AGAP1: variants seen among roughly 807,000 people sequenced by gnomAD.
AGAP1 encodes ArfGAP with GTPase domain, ankyrin repeat and PH domain 1, also known as arf-GAP with GTPase, ANK repeat and PH domain-containing protein 1.
Under a neutral mutation model 105.3 loss-of-function variants are expected in AGAP1, and 29 were observed. That is an observed-to-expected ratio of 0.28 (90% CI 0.21 to 0.38). The LOEUF (loss-of-function observed/expected upper bound fraction) is 0.38, where lower values mean the gene tolerates loss of function less well. AGAP1 is among the 10% of genes least tolerant of loss of function. The pLI is 1.00. For synonymous variants in AGAP1, 509 were observed against 485.9 expected, an observed-to-expected ratio of 1.05 and a Z score of -0.63; for missense variants, 998 against 1,165.1, an observed-to-expected ratio of 0.86 and a Z score of 2.09.
At chr2:235,657,237 G>A (rs1947802313) in intron 1 of AGAP1, among the ~76,000 whole-genome samples, 1 of 152,190 alleles carries the variant, frequency 6.6e-6, no homozygotes, top group Non-Finnish European at 1.5e-5. Context: ...GCACTGGGTA[G>A]CCCTGGAGTT....
intron 12 of AGAP1, among the ~76,000 whole-genome samples, chr2:235,943,352 A>G (rs1222350337): frequency 7.3e-6 from 1 of 137,284 alleles, no homozygotes; most frequent in Non-Finnish European, 1.5e-5. Context: ...GCAAAGACCT[A>G]AAGGACTTAA....
Position 235,988,716 on chromosome 2 carries a change from G to A in AGAP1, c.1645+20093G>A, listed in dbSNP as rs900476206. The stretch of plus-strand genomic sequence containing the variant: ...GAGAAATGATTATTTTTTTCCCGCC[G>A]ACTCCACTCTGGCCAAGACGAGCTC... On this transcript the variant is annotated intron_variant, in intron 13 of 17. Coordinates refer to ENST00000304032, the MANE Select transcript of AGAP1 (RefSeq NM_001037131.3). The surrounding 1 kb of genome is among the most constrained non-coding windows in gnomAD (Gnocchi z 4.7). Among the ~76,000 whole-genome samples the A allele has an allele frequency of 3.9e-5, 6 of 151,996 alleles. No homozygotes were observed. Among genetic ancestry groups the A allele is most frequent in the South Asian group, 2.1e-4 (1 of 4,824 alleles).
At position 235,874,125 on chromosome 2, in the gene AGAP1, T is replaced by C. The variant is rs1277904736; in HGVS notation, c.1051-9220T>C. On this transcript the variant is annotated intron_variant, in intron 9 of 17. Coordinates refer to ENST00000304032, the MANE Select transcript of AGAP1 (RefSeq NM_001037131.3). This position sits in a 1 kb window ranked among gnomAD's most constrained non-coding sequence, Gnocchi z 4.5. ...CAGGCTGGAGTGCAGTGGCGTGATCTCAGCTCACTGCAACCTCTCCCTCCA... is the reference window on the plus strand; with the variant it reads ...CAGGCTGGAGTGCAGTGGCGTGATCCCAGCTCACTGCAACCTCTCCCTCCA... 6.6e-6 allele frequency among the ~76,000 whole-genome samples: 1 copy of C among 152,082 alleles called. No homozygotes were observed. The highest frequency in any genetic ancestry group is 1.9e-4 in the East Asian group (1 of 5,174).
intron 1 of AGAP1, among the ~76,000 whole-genome samples, chr2:235,536,631 A>T (rs868636541): frequency 1.4e-4 from 3 of 22,088 alleles, no homozygotes; most frequent in Non-Finnish European, 2.5e-4. Context: ...CATCCTTCAC[A>T]CACACACACA....
At chr2:235,823,213 CATT>C (rs1219702068) in intron 9 of AGAP1, among the ~76,000 whole-genome samples, 4 of 152,136 alleles carry the variant, frequency 2.6e-5, no homozygotes, top group African/African-American at 9.6e-5. Flanking sequence ...TGTAACATAT[CATT>C]ATGTATTATG....
rs528317631 is a variant in AGAP1, at chr2:235,832,404, ATAAAAT to A, written c.1050+25077_1050+25082del. Among the ~76,000 whole-genome samples the A allele has an allele frequency of 6.8e-4, 104 of 152,312 alleles. 1 individual carries two copies. In the East Asian group the frequency reaches 0.016, roughly 24 times the overall value. Reference sequence around the variant, plus strand: ...TCATTAGCATTTTCCTTACAGTTTGATAAAATTAATTTCAACAATTTCTACACTGTG... The same window carrying A: ...TCATTAGCATTTTCCTTACAGTTTGATAATTTCAACAATTTCTACACTGTG... On this transcript the variant is annotated intron_variant, in intron 9 of 17. Coordinates refer to ENST00000304032, the MANE Select transcript of AGAP1 (RefSeq NM_001037131.3).
At chr2:235,495,939 T>C (rs72984642) in intron 1 of AGAP1, among the ~76,000 whole-genome samples, 38 of 152,236 alleles carry the variant, frequency 2.5e-4, no homozygotes, top group Non-Finnish European at 5.3e-4. Flanking sequence ...TTGAGGAACA[T>C]TGAGAATGGC....
chr2:235,852,184 C>T (rs368872012), intron 9 of AGAP1, among the ~76,000 whole-genome samples: 1 of 152,200 alleles, frequency 6.6e-6, no homozygotes, highest in East Asian at 1.9e-4. Flanking sequence ...GGAAGATTTA[C>T]TCGGGAAGAG....
intron 6 of AGAP1, among the ~76,000 whole-genome samples, chr2:235,776,469 C>T (rs1466927622): frequency 2.0e-5 from 3 of 152,194 alleles, no homozygotes; most frequent in Non-Finnish European, 4.4e-5. Context: ...CTTTCCTGTT[C>T]GAAAGCCTTT....
intron 1 of AGAP1, among the ~76,000 whole-genome samples, chr2:235,506,320 G>C (rs576337452): frequency 6.6e-6 from 1 of 152,198 alleles, no homozygotes; most frequent in African/African-American, 2.4e-5. Context: ...TAATCTCAGC[G>C]CTTCGGGAGG....
At position 235,874,260 on chromosome 2, in the gene AGAP1, G is replaced by A. The variant is rs1367111463; in HGVS notation, c.1051-9085G>A. On this transcript the variant is annotated intron_variant, in intron 9 of 17. Coordinates refer to ENST00000304032, the MANE Select transcript of AGAP1 (RefSeq NM_001037131.3). This position sits in a 1 kb window ranked among gnomAD's most constrained non-coding sequence, Gnocchi z 4.5. ...GAGACGGGGTTTCACCATGTTTACC[G>A]GGATGGTCTCGATCTCCTGACCTTG... 6.6e-6 allele frequency among the ~76,000 whole-genome samples: 1 copy of A among 151,934 alleles called. No homozygotes were observed.
At chr2:235,613,604 A>G (rs1946211306) in intron 1 of AGAP1, among the ~76,000 whole-genome samples, 1 of 152,158 alleles carries the variant, frequency 6.6e-6, no homozygotes, top group Non-Finnish European at 1.5e-5. Context: ...CTCTCCCTTT[A>G]TCTCCCCATT....
chr2:236,085,540 TC>T (rs1415373059), intron 16 of AGAP1, among the ~76,000 whole-genome samples: 4 of 152,234 alleles, frequency 2.6e-5, no homozygotes, highest in Non-Finnish European at 4.4e-5. Flanking sequence ...CAAACACTGT[TC>T]CAGCTGGTAG....
intron 1 of AGAP1, among the ~76,000 whole-genome samples, chr2:235,679,907 A>G (rs1018744294): frequency 2.0e-5 from 3 of 152,234 alleles, no homozygotes; most frequent in Non-Finnish European, 4.4e-5. Context: ...TGAATTCCGT[A>G]TTTTCAAATA....
chr2:235,868,726 T>G (rs1019998349), intron 9 of AGAP1, among the ~76,000 whole-genome samples: 1 of 152,224 alleles, frequency 6.6e-6, no homozygotes, highest in Non-Finnish European at 1.5e-5. Flanking sequence ...TATCACAGCT[T>G]GGGGCTGCAG....
intron 11 of AGAP1, among the ~76,000 whole-genome samples, chr2:235,911,263 T>C (rs1268807497): frequency 6.6e-6 from 1 of 152,094 alleles, no homozygotes; most frequent in Non-Finnish European, 1.5e-5. Context: ...TCCCCTGTTG[T>C]TGGGGAGAAA....
At position 235,737,093 on chromosome 2, in the gene AGAP1, G is replaced by A. The variant is rs1679253047; in HGVS notation, c.311-3870G>A. Among the ~76,000 whole-genome samples, 1 of 152,174 alleles carries A rather than the reference G, an allele frequency of 6.6e-6. No homozygotes were observed. Among genetic ancestry groups the A allele is most frequent in the Non-Finnish European group, 1.5e-5 (1 of 68,014 alleles). On this transcript the variant is annotated intron_variant, in intron 3 of 17. Transcript: ENST00000304032. The surrounding 1 kb of genome is among the most constrained non-coding windows in gnomAD (Gnocchi z 4.5). ...CAAGGCCCAGTGGTCCTATTGAGCTGAACCTGCTCCCATCAGTAGTGCCCT... is the reference window on the plus strand; with the variant it reads ...CAAGGCCCAGTGGTCCTATTGAGCTAAACCTGCTCCCATCAGTAGTGCCCT...
intron 6 of AGAP1, among the ~76,000 whole-genome samples, chr2:235,764,433 G>A (rs555975191): frequency 4.6e-5 from 7 of 152,068 alleles, no homozygotes; most frequent in Admixed American, 1.3e-4. Flanking sequence ...TCTTGGTCAC[G>A]TAGATCCATG....
chr2:235,571,647 G>A (rs1367392183), intron 1 of AGAP1, among the ~76,000 whole-genome samples: 1 of 152,066 alleles, frequency 6.6e-6, no homozygotes, highest in Non-Finnish European at 1.5e-5. Flanking sequence ...TGTGTTACAG[G>A]GAAATTGTGA....
Sources: allele counts gnomAD v4.1 joint callset (sites outside exome capture counted in the v4.1 genomes callset), GRCh38; gene constraint gnomAD v4.1.1; non-coding constraint Gnocchi (gnomAD v3.1); transcripts MANE v1.5; gene names NCBI Gene and HGNC (gene_info 2026-07-23, HGNC 2026-07-21).